Variants in LPIN2 observed in about 807,000 individuals in gnomAD.
LPIN2 encodes phosphatidate phosphatase LPIN2.
A neutral mutation model predicts 111.4 loss-of-function variants in LPIN2; 55 were observed. That is an observed-to-expected ratio of 0.49 (90% CI 0.40 to 0.62). LPIN2 has a LOEUF of 0.62. Ranked by LOEUF, LPIN2 falls within the 20% of genes least tolerant of loss-of-function variation. LPIN2 has a pLI of 0.00. For missense variants in LPIN2, 992 were observed against 1,112.1 expected (o/e 0.89, Z 1.54); for synonymous variants, 425 against 414.0 (o/e 1.03, Z -0.32).
intron 1 of LPIN2, among the ~76,000 whole-genome samples, chr18:2,981,281 CTATA>C (rs771347050): frequency 1.8e-4 from 28 of 152,282 alleles, no homozygotes; most frequent in Admixed American, 9.2e-4. Context: ...AGTCAAACTC[CTATA>C]TAATCATTAC....
chr18:2,950,820 T>C, intron 4 of LPIN2: 1 of 561,440 alleles, frequency 1.8e-6, no homozygotes, highest in South Asian at 2.1e-5. Flanking sequence ...TCCTGGAAAC[T>C]TCTTTATGAA....
At chr18:2,926,701 G>A (rs746680625) in intron 13 of LPIN2, 22 bp downstream of exon 13, 57 of 1,607,184 alleles carry the variant, frequency 3.5e-5, no homozygotes, top group Non-Finnish European at 4.2e-5. Context: ...GCTATGAGCC[G>A]GGCAGAGGAC....
chr18:2,939,210 C>A (rs1332362376), intron 6 of LPIN2, among the ~76,000 whole-genome samples: 4 of 152,070 alleles, frequency 2.6e-5, no homozygotes, highest in African/African-American at 9.7e-5. Flanking sequence ...GTTTAAGATG[C>A]CTTTTAAAAT....
intron 4 of LPIN2, 69 bp from the exon 5 acceptor site, chr18:2,940,781 C>T: frequency 1.2e-6 from 1 of 844,110 alleles, no homozygotes; most frequent in Non-Finnish European, 2.0e-6. Flanking sequence ...ATCCCCCAAA[C>T]CTACTGATAC....
intron 1 of LPIN2, among the ~76,000 whole-genome samples, chr18:2,987,325 C>G (rs1011366949): frequency 6.6e-6 from 1 of 152,164 alleles, no homozygotes; most frequent in Non-Finnish European, 1.5e-5. Context: ...TGCTGGGTTC[C>G]TATACTCCAG....
intron 4 of LPIN2, among the ~76,000 whole-genome samples, chr18:2,941,806 T>A (rs1440142839): frequency 1.3e-5 from 2 of 152,104 alleles, no homozygotes; most frequent in East Asian, 3.9e-4. Context: ...GCACCTGTAA[T>A]CCCAGCTACT....
intron 1 of LPIN2, among the ~76,000 whole-genome samples, chr18:3,002,110 CAA>C (rs2078442246): frequency 6.6e-6 from 1 of 151,646 alleles, no homozygotes; most frequent in Non-Finnish European, 1.5e-5. Flanking sequence ...TGTCCTAAAA[CAA>C]AAGTCCTATT....
At chr18:2,949,778 T>A (rs2077506481) in intron 4 of LPIN2, among the ~76,000 whole-genome samples, 1 of 152,350 alleles carries the variant, frequency 6.6e-6, no homozygotes, top group Middle Eastern at 3.4e-3. Context: ...TAATGCAGTA[T>A]AATTATAATA....
At chr18:2,991,768 T>G (rs955090669) in intron 1 of LPIN2, among the ~76,000 whole-genome samples, 1 of 151,916 alleles carries the variant, frequency 6.6e-6, no homozygotes, top group African/African-American at 2.4e-5. Context: ...TCTCAGCACT[T>G]TGGGAGGGGG....
At chr18:2,977,740 T>G (rs184406042) in intron 1 of LPIN2, among the ~76,000 whole-genome samples, 3 of 152,082 alleles carry the variant, frequency 2.0e-5, no homozygotes, top group Non-Finnish European at 4.4e-5. Context: ...TCCTCACTGA[T>G]AGAATAAATT....
intron 2 of LPIN2, among the ~76,000 whole-genome samples, chr18:2,959,544 C>A (rs935761503): frequency 6.6e-6 from 1 of 152,102 alleles, no homozygotes; most frequent in South Asian, 2.1e-4. Flanking sequence ...GTAGATACTG[C>A]GAGGCAAGAA....
At chr18:2,956,311 G>GGGGTGTGTGTGTGTGTGTGT (rs537302837) in intron 2 of LPIN2, among the ~76,000 whole-genome samples, 4 of 143,960 alleles carry the variant, frequency 2.8e-5, no homozygotes, top group Admixed American at 6.8e-5. Context: ...TAGATGCAGG[G>GGGGTGTGTGTGTGTGTGTGT]GTGTGTGTGT....
At chr18:2,955,231 G>A (rs932219465) in intron 2 of LPIN2, among the ~76,000 whole-genome samples, 1 of 152,206 alleles carries the variant, frequency 6.6e-6, no homozygotes, top group East Asian at 1.9e-4. Context: ...AATTTATAAA[G>A]AAAAGAGGTT....
chr18:2,926,902 T>G lies in LPIN2; in HGVS notation c.1711-97A>C, dbSNP rs143574323. 1,684 of 902,800 alleles carry G rather than the reference T, an allele frequency of 1.9e-3. 22 individuals are homozygous for G. The African/African-American group carries it at 0.025, about 13-fold the overall frequency. The allele number at this position is 902,800 out of a possible 1,614,324, so 55.9% of individuals were successfully genotyped here. The stretch of plus-strand genomic sequence containing the variant: ...TCTCTAGGAAAGAACACAACTGCCT[T>G]CTGAACCCACAACTTAAAAATGCTC... On this transcript the variant is annotated intron_variant, in intron 12 of 19. Coordinates refer to ENST00000677752, the MANE Select transcript of LPIN2 (RefSeq NM_001375808.2).
Position 2,986,547 on chromosome 18 carries a change from T to TGAAA in LPIN2, c.-9-25699_-9-25698insTTTC, listed in dbSNP as rs10692682. Reference sequence around the variant, plus strand: ...TTGTGATAAGTCTATTTTTTTAATGTAAAAAAAAAAAAAAAAGAAAGACTA... The same window carrying TGAAA: ...TTGTGATAAGTCTATTTTTTTAATGTGAAAAAAAAAAAAAAAAAAAGAAAGACTA... On this transcript the variant is annotated intron_variant, in intron 1 of 19. Transcript: ENST00000677752. Among the ~76,000 whole-genome samples, 1,200 of 135,050 alleles carry TGAAA rather than the reference T, an allele frequency of 8.9e-3. 76 individuals carry two copies. Among genetic ancestry groups the TGAAA allele is most frequent in the East Asian group, 0.026 (120 of 4,612 alleles). The allele number at this position is 135,050 out of a possible 152,430, so 88.6% of individuals were successfully genotyped here.
intron 2 of LPIN2, among the ~76,000 whole-genome samples, chr18:2,955,846 C>T (rs1399307966): frequency 1.3e-5 from 2 of 151,844 alleles, no homozygotes; most frequent in African/African-American, 4.8e-5. Context: ...ACCCAGGAGG[C>T]GGAGGCTGCA....
In LPIN2 at chr18:2,918,310, T is replaced by C. The variant is rs2076999104; in HGVS notation, c.*1983A>G. 1 of 152,150 alleles carries C rather than the reference T, an allele frequency of 6.6e-6. No homozygotes were observed. The highest frequency in any genetic ancestry group is 2.4e-5 in the African/African-American group (1 of 41,418). 9.4% of individuals were successfully genotyped at this position (152,150 alleles called of 1,614,324 possible). On this transcript the variant is annotated 3_prime_UTR_variant, in exon 20 of 20. Transcript: ENST00000677752. ...GTCAAAAACTCTTTAAAGGACAACC[T>C]AAAAAGGATTAAAGATGTATATTAA... is the stretch of plus-strand genomic sequence containing the variant.
chr18:2,937,134 G>A (rs2077297849), intron 7 of LPIN2, among the ~76,000 whole-genome samples: 1 of 152,070 alleles, frequency 6.6e-6, no homozygotes. Context: ...TGTTTTCTCA[G>A]TAAATGCTTC....
At chr18:2,923,961 G>T in intron 15 of LPIN2, 100 bp from the exon 16 acceptor site, 2 of 935,912 alleles carry the variant, frequency 2.1e-6, no homozygotes, top group South Asian at 2.6e-5. Context: ...AATTGGTGGC[G>T]GGACACTCTT....
Sources: gnomAD v4.1 joint callset for allele counts (sites outside exome capture counted in the v4.1 genomes callset) on GRCh38, gnomAD v4.1.1 for gene constraint, MANE v1.5 for transcripts, NCBI Gene and HGNC (gene_info 2026-07-23, HGNC 2026-07-21) for gene names.